Variants in PDE7B observed in about 807,000 individuals in gnomAD.
PDE7B encodes the protein phosphodiesterase 7B.
In PDE7B, 29 loss-of-function variants were observed where a neutral mutation model predicts 56.2. The ratio of observed to expected loss-of-function variants is 0.52; its 90% CI spans 0.38 to 0.70. The LOEUF (loss-of-function observed/expected upper bound fraction) is 0.70. Ranked by LOEUF, PDE7B falls within the 30% of genes least tolerant of loss-of-function variation. PDE7B has a pLI of 0.00. For missense variants in PDE7B, 490 were observed against 565.0 expected (o/e 0.87, Z 1.35); for synonymous variants, 197 against 196.9 (o/e 1.00, Z 0.00).
chr6:136,176,695 T>C (rs1202793443), intron 9 of PDE7B, among the ~76,000 whole-genome samples: 3 of 152,166 alleles, frequency 2.0e-5, no homozygotes, highest in Non-Finnish European at 2.9e-5. Context: ...TCAAATGCTT[T>C]TTCCACTAAT....
At chr6:135,932,868 T>C (rs1263434363) in intron 1 of PDE7B, among the ~76,000 whole-genome samples, 1 of 152,192 alleles carries the variant, frequency 6.6e-6, no homozygotes, top group Non-Finnish European at 1.5e-5. Flanking sequence ...GAGAGCAAGA[T>C]AGCACAATAT....
intron 3 of PDE7B, among the ~76,000 whole-genome samples, chr6:136,115,420 A>G (rs981412388): frequency 6.6e-6 from 1 of 152,204 alleles, no homozygotes; most frequent in Non-Finnish European, 1.5e-5. Flanking sequence ...TTAAGACTTA[A>G]GAAACCAGGA....
chr6:136,038,090 G>A (rs1186914008), intron 2 of PDE7B: 1 of 1,335,022 alleles, frequency 7.5e-7, no homozygotes, highest in African/African-American at 1.5e-5. Flanking sequence ...GAGACAGGGA[G>A]GTTGTGCCAG....
intron 9 of PDE7B, 26 bp downstream of exon 9, chr6:136,173,914 C>G (rs1191844672): frequency 6.7e-7 from 1 of 1,501,788 alleles, no homozygotes; most frequent in African/African-American, 1.4e-5. Flanking sequence ...ATGAAACATA[C>G]TGATGTGCAT....
At chr6:135,936,087 G>T (rs957139084) in intron 1 of PDE7B, among the ~76,000 whole-genome samples, 9 of 152,198 alleles carry the variant, frequency 5.9e-5, no homozygotes, top group African/African-American at 1.9e-4. Flanking sequence ...TAGCAGTGAG[G>T]TTATTTAATT....
chr6:136,052,044 A>G (rs1228758311), intron 2 of PDE7B, among the ~76,000 whole-genome samples: 1 of 151,748 alleles, frequency 6.6e-6, no homozygotes, highest in East Asian at 1.9e-4. Flanking sequence ...TGTACATTTA[A>G]AGTAAAAAAA....
At chr6:136,168,784 A>G (rs1288198939) in intron 8 of PDE7B, among the ~76,000 whole-genome samples, 2 of 152,192 alleles carry the variant, frequency 1.3e-5, no homozygotes, top group Non-Finnish European at 2.9e-5. Context: ...TATTCAAACC[A>G]CAAGATTTTT....
intron 6 of PDE7B, among the ~76,000 whole-genome samples, chr6:136,153,568 C>T (rs1778559219): frequency 6.6e-6 from 1 of 152,126 alleles, no homozygotes; most frequent in Admixed American, 6.5e-5. Context: ...CAAGGCAATA[C>T]CCTGAATCTC....
intron 1 of PDE7B, among the ~76,000 whole-genome samples, chr6:135,929,313 A>G (rs1282511068): frequency 6.6e-6 from 1 of 152,158 alleles, no homozygotes; most frequent in Non-Finnish European, 1.5e-5. Flanking sequence ...GGGACATGCA[A>G]AATAAAACAA....
At chr6:135,921,060 C>T (rs1382518482) in intron 1 of PDE7B, among the ~76,000 whole-genome samples, 1 of 152,126 alleles carries the variant, frequency 6.6e-6, no homozygotes, top group Non-Finnish European at 1.5e-5. Context: ...TGGGGGTGGT[C>T]AGGCCCCGAG....
At chr6:136,029,067 T>A (rs188253175) in intron 2 of PDE7B, among the ~76,000 whole-genome samples, 23 of 152,372 alleles carry the variant, frequency 1.5e-4, no homozygotes, top group African/African-American at 5.5e-4. Flanking sequence ...GGATTTGAAC[T>A]AGTTTTATAA....
intron 3 of PDE7B, among the ~76,000 whole-genome samples, chr6:136,128,808 A>G (rs1778067183): frequency 6.6e-6 from 1 of 152,156 alleles, no homozygotes; most frequent in Non-Finnish European, 1.5e-5. Flanking sequence ...AACACTAGCC[A>G]CCATGGGGAA....
chr6:135,924,615 CTCTTTTTTTT>C (rs1387456805), intron 1 of PDE7B, among the ~76,000 whole-genome samples: 3 of 73,970 alleles, frequency 4.1e-5, no homozygotes, highest in African/African-American at 2.1e-4. Context: ...CTCTCTCTCT[CTCTTTTTTTT>C]TTTTTTTTTT....
chr6:136,139,697 G>C (rs2128445727), intron 3 of PDE7B, among the ~76,000 whole-genome samples: 1 of 152,264 alleles, frequency 6.6e-6, no homozygotes, highest in East Asian at 1.9e-4. Flanking sequence ...TTGTGGTTTT[G>C]ATTTGCATTT....
At chr6:136,149,183 T>TAC (rs908452690) in intron 5 of PDE7B, 33 bp downstream of exon 5, 1 of 1,385,754 alleles carries the variant, frequency 7.2e-7, no homozygotes, top group African/African-American at 1.4e-5. Flanking sequence ...CACTAAAATA[T>TAC]ACACCATAAA....
At chr6:135,902,371 T>A (rs1282890613) in intron 1 of PDE7B, among the ~76,000 whole-genome samples, 1 of 151,026 alleles carries the variant, frequency 6.6e-6, no homozygotes, top group East Asian at 1.9e-4. Flanking sequence ...ACTGCAAAAA[T>A]GATTGCTCTC....
intron 2 of PDE7B, among the ~76,000 whole-genome samples, chr6:136,091,478 T>C (rs1329819924): frequency 2.0e-5 from 3 of 152,254 alleles, no homozygotes; most frequent in African/African-American, 2.4e-5. Flanking sequence ...AATATAAACA[T>C]TTGTTTTAAA....
At chr6:136,090,300 A>T (rs1255299383) in intron 2 of PDE7B, among the ~76,000 whole-genome samples, 1 of 152,196 alleles carries the variant, frequency 6.6e-6, no homozygotes, top group Non-Finnish European at 1.5e-5. Flanking sequence ...TCTTCCATAA[A>T]GTTGGTGATC....
At chr6:135,954,494 T>C (rs1395244191) in intron 2 of PDE7B, among the ~76,000 whole-genome samples, 1 of 152,140 alleles carries the variant, frequency 6.6e-6, no homozygotes, top group Non-Finnish European at 1.5e-5. Flanking sequence ...TAAGAAAAAG[T>C]GGTTCCCTTC....
Sources: gnomAD v4.1 joint callset for allele counts (sites outside exome capture counted in the v4.1 genomes callset) on GRCh38, gnomAD v4.1.1 for gene constraint, MANE v1.5 for transcripts, NCBI Gene and HGNC (gene_info 2026-07-23, HGNC 2026-07-21) for gene names.